TBC1D5: variants seen among roughly 807,000 people sequenced by gnomAD.
The protein encoded by TBC1D5 is TBC1 domain family member 5.
Under a neutral mutation model 100.3 loss-of-function variants are expected in TBC1D5, and 75 were observed. The ratio of observed to expected loss-of-function variants is 0.75; its 90% CI spans 0.62 to 0.91. TBC1D5 has a LOEUF of 0.91. TBC1D5 is among the 40% of genes least tolerant of loss of function. The pLI is 0.00. For missense variants in TBC1D5, 910 were observed against 942.4 expected, an observed-to-expected ratio of 0.97 and a Z score of 0.45; for synonymous variants, 323 against 325.6, an observed-to-expected ratio of 0.99 and a Z score of 0.09.
At chr3:17,525,382 C>T (rs753035444) in intron 2 of TBC1D5, among the ~76,000 whole-genome samples, 12 of 152,122 alleles carry the variant, frequency 7.9e-5, no homozygotes, top group Non-Finnish European at 1.2e-4. Flanking sequence ...CTACCTGCCT[C>T]GGCCTCCCAA....
intron 2 of TBC1D5, among the ~76,000 whole-genome samples, chr3:17,512,716 A>C (rs2095927152): frequency 6.6e-6 from 1 of 152,212 alleles, no homozygotes; most frequent in Non-Finnish European, 1.5e-5. Context: ...ACTGTAAATA[A>C]CAATTTCTCC....
intron 1 of TBC1D5, among the ~76,000 whole-genome samples, chr3:17,735,454 A>T (rs966434316): frequency 3.3e-5 from 5 of 152,184 alleles, no homozygotes. Flanking sequence ...AATTGTTATG[A>T]GTGGGTCTTT....
At position 17,167,729 on chromosome 3, in the gene TBC1D5, T is replaced by A; in HGVS notation, c.1932+20A>T. The stretch of plus-strand genomic sequence containing the variant: ...CGGCAGGCGGGACACAAAGAAATAG[T>A]GTCAGAGCAATGCACATACCTGTTT... On this transcript the variant is annotated intron_variant, in intron 20 of 21. Coordinates refer to ENST00000253692, the Ensembl canonical transcript of TBC1D5. 1 of 1,612,146 alleles carries A rather than the reference T, an allele frequency of 6.2e-7. No homozygotes were observed. The highest frequency in any genetic ancestry group is 8.5e-7 in the Non-Finnish European group (1 of 1,178,208).
At chr3:17,300,646 C>G (rs2150360519) in intron 14 of TBC1D5, among the ~76,000 whole-genome samples, 1 of 152,306 alleles carries the variant, frequency 6.6e-6, no homozygotes, top group Middle Eastern at 3.4e-3. Flanking sequence ...AGTATTGTAA[C>G]ATGCTTACGC....
At chr3:17,447,299 CT>C (rs1002040736) in intron 3 of TBC1D5, among the ~76,000 whole-genome samples, 5 of 152,310 alleles carry the variant, frequency 3.3e-5, no homozygotes, top group Admixed American at 2.6e-4. Flanking sequence ...CAGCACGGGA[CT>C]TTTCATCCTA....
At chr3:17,159,388 C>G (rs1473248360) in exon 22 of TBC1D5, 1 of 152,208 alleles carries the variant, frequency 6.6e-6, no homozygotes, top group African/African-American at 2.4e-5. Flanking sequence ...GGGACGTAAA[C>G]AGTGTCTGTT....
intron 17 of TBC1D5, among the ~76,000 whole-genome samples, chr3:17,232,638 C>G (rs941281639): frequency 6.6e-6 from 1 of 152,102 alleles, no homozygotes; most frequent in African/African-American, 2.4e-5. Flanking sequence ...AGAAACTATA[C>G]CTGTGAGACA....
At chr3:17,372,051 C>G in intron 13 of TBC1D5, 24 bp downstream of exon 13, 1 of 1,581,766 alleles carries the variant, frequency 6.3e-7, no homozygotes. Flanking sequence ...AACAAACAAA[C>G]AAACAAAGAA....
At chr3:17,662,231 A>AT (rs1224936614) in intron 1 of TBC1D5, among the ~76,000 whole-genome samples, 1 of 152,202 alleles carries the variant, frequency 6.6e-6, no homozygotes, top group East Asian at 1.9e-4. Context: ...AGTAACTCAG[A>AT]TACCTGGAAT....
exon 9 of TBC1D5, chr3:17,383,997 A>G (rs778259810): frequency 2.2e-5 from 35 of 1,597,076 alleles, no homozygotes; most frequent in Non-Finnish European, 2.9e-5. Context: ...CTTGCTGGAA[A>G]AACTGCATTT....
chr3:17,517,059 A>C (rs1460643220), intron 2 of TBC1D5, among the ~76,000 whole-genome samples: 3 of 152,190 alleles, frequency 2.0e-5, no homozygotes, highest in African/African-American at 7.2e-5. Context: ...CCACTGGCAA[A>C]TCTTGTCTGT....
intron 1 of TBC1D5, among the ~76,000 whole-genome samples, chr3:17,628,076 T>G (rs1486319506): frequency 6.6e-6 from 1 of 152,102 alleles, no homozygotes; most frequent in African/African-American, 2.4e-5. Flanking sequence ...TTTTTAAAAA[T>G]ACACACACTC....
rs564059956 is a variant in TBC1D5, at chr3:17,381,086, T to C, written c.612+2827A>G. ...AACATGTACAGGGAGTAATTAAATA[T>C]TTTAAAATGACACCCAGGAGTAAGT... On this transcript the variant is annotated intron_variant, in intron 9 of 21. Transcript: ENST00000253692. 2.0e-5 allele frequency among the ~76,000 whole-genome samples: 3 copies of C among 152,220 alleles called. No individual in the cohort carries two copies. In the South Asian group the frequency reaches 6.2e-4, roughly 32 times the overall value.
intron 4 of TBC1D5, among the ~76,000 whole-genome samples, chr3:17,407,509 G>A (rs113367231): frequency 3.3e-5 from 5 of 152,104 alleles, no homozygotes; most frequent in Non-Finnish European, 7.4e-5. Flanking sequence ...GAAAAAGAAA[G>A]CCACTAAAAC....
chr3:17,268,444 G>T (rs1403915424), intron 15 of TBC1D5, among the ~76,000 whole-genome samples: 1 of 151,138 alleles, frequency 6.6e-6, no homozygotes, highest in African/African-American at 2.4e-5. Flanking sequence ...AAGTATATCG[G>T]GTAATAAAGA....
chr3:17,251,166 C>A (rs2149293337), intron 16 of TBC1D5, among the ~76,000 whole-genome samples: 1 of 152,260 alleles, frequency 6.6e-6, no homozygotes, highest in African/African-American at 2.4e-5. Flanking sequence ...CCATATTATT[C>A]CCTGGCGATT....
chr3:17,590,942 T>A (rs1056675355), intron 2 of TBC1D5, among the ~76,000 whole-genome samples: 1 of 151,868 alleles, frequency 6.6e-6, no homozygotes, highest in Non-Finnish European at 1.5e-5. Context: ...ATTTGAATCA[T>A]AAAAACAGAG....
At chr3:17,499,495 A>C (rs2095757486) in intron 3 of TBC1D5, among the ~76,000 whole-genome samples, 1 of 143,310 alleles carries the variant, frequency 7.0e-6, no homozygotes, top group Non-Finnish European at 1.5e-5. Flanking sequence ...ATCACTTGAG[A>C]CCAGCCTGGG....
chr3:17,400,401 A>G (rs1406761773), intron 8 of TBC1D5, among the ~76,000 whole-genome samples: 1 of 152,156 alleles, frequency 6.6e-6, no homozygotes, highest in East Asian at 1.9e-4. Context: ...AGCTTTTACA[A>G]TTAAATAATT....
Sources: allele counts gnomAD v4.1 joint callset (sites outside exome capture counted in the v4.1 genomes callset), GRCh38; gene constraint gnomAD v4.1.1; transcripts MANE v1.5; gene names NCBI Gene and HGNC (gene_info 2026-07-23, HGNC 2026-07-21).